Variants in CPEB2 observed in about 807,000 individuals in gnomAD.
CPEB2 encodes the protein cytoplasmic polyadenylation element binding protein 2, also known as cytoplasmic polyadenylation element-binding protein 2.
Under a neutral mutation model 93.6 loss-of-function variants are expected in CPEB2, and 56 were observed. That is an observed-to-expected ratio of 0.60 (90% confidence interval 0.48 to 0.75). The LOEUF is 0.75. CPEB2 is among the 30% of genes least tolerant of loss of function. CPEB2 has a pLI of 0.00. For synonymous variants in CPEB2, 764 were observed against 586.3 expected, an observed-to-expected ratio of 1.30 and a Z score of -4.38; for missense variants, 1,579 against 1,395.1, an observed-to-expected ratio of 1.13 and a Z score of -2.10.
intron 4 of CPEB2, among the ~76,000 whole-genome samples, chr4:15,030,032 CTG>C (rs1261795129): frequency 1.3e-5 from 2 of 152,008 alleles, no homozygotes; most frequent in Non-Finnish European, 2.9e-5. Context: ...CTGGGAAGCT[CTG>C]TATCTGTCTA....
chr4:15,037,563 T>A (rs781387205), intron 5 of CPEB2, among the ~76,000 whole-genome samples: 8 of 152,210 alleles, frequency 5.3e-5, no homozygotes, highest in Non-Finnish European at 8.8e-5. Context: ...CTGTTTTTGT[T>A]TTTTGTAGCT....
At chr4:15,050,815 T>C (rs1284486532) in intron 6 of CPEB2, among the ~76,000 whole-genome samples, 4 of 152,202 alleles carry the variant, frequency 2.6e-5, no homozygotes, top group Non-Finnish European at 5.9e-5. Flanking sequence ...GTCCTCATCA[T>C]TTCTCGCTGG....
At chr4:15,007,089 A>G (rs1722915451) in intron 1 of CPEB2, among the ~76,000 whole-genome samples, 1 of 152,214 alleles carries the variant, frequency 6.6e-6, no homozygotes, top group African/African-American at 2.4e-5. Flanking sequence ...AAATATCATG[A>G]TATTTATAGT....
intron 6 of CPEB2, among the ~76,000 whole-genome samples, chr4:15,050,042 A>C (rs1468212792): frequency 6.6e-6 from 1 of 152,166 alleles, no homozygotes; most frequent in Non-Finnish European, 1.5e-5. Context: ...ACCCAACATA[A>C]AACGGTCCGG....
chr4:15,024,231 G>A (rs1186545021), intron 4 of CPEB2, among the ~76,000 whole-genome samples: 1 of 151,108 alleles, frequency 6.6e-6, no homozygotes, highest in Non-Finnish European at 1.5e-5. Context: ...TTTTTTCTGT[G>A]GAATCCATGT....
chr4:15,008,117 A>C (rs1723056625), intron 2 of CPEB2, among the ~76,000 whole-genome samples: 1 of 152,108 alleles, frequency 6.6e-6, no homozygotes, highest in Admixed American at 6.6e-5. Context: ...TACGTTGATT[A>C]GACTTTTTTT....
intron 6 of CPEB2, among the ~76,000 whole-genome samples, chr4:15,045,818 G>GA (rs1258775511): frequency 4.6e-5 from 7 of 151,638 alleles, no homozygotes; most frequent in Non-Finnish European, 1.5e-5. Flanking sequence ...TCTTTTAAAA[G>GA]AAAAAAATAA....
intron 4 of CPEB2, among the ~76,000 whole-genome samples, chr4:15,024,991 C>G (rs192148267): frequency 5.3e-5 from 8 of 151,934 alleles, no homozygotes; most frequent in African/African-American, 1.9e-4. Context: ...GTGATCTGCC[C>G]GCTTCAGCCT....
In CPEB2 at chr4:15,067,747, G is replaced by A. The variant is rs1036125427; in HGVS notation, c.*1367G>A. ...CCTTTATAAGACAATGGTGAAATCT[G>A]GCTTGAACTTGCTTATGTGTTTAAC... is the stretch of plus-strand genomic sequence containing the variant. On this transcript the variant is annotated 3_prime_UTR_variant, in exon 12 of 12. Coordinates refer to ENST00000538197, the MANE Select transcript of CPEB2 (RefSeq NM_001177382.2). The A allele has an allele frequency of 2.0e-5, 3 of 152,390 alleles. No individual in the cohort carries two copies. The highest frequency in any genetic ancestry group is 2.9e-5 in the Non-Finnish European group (2 of 67,932). The allele number at this position is 152,390 out of a possible 1,614,324, so 9.4% of individuals were successfully genotyped here.
In CPEB2 at chr4:15,069,967, A is replaced by C. The variant is rs1729971132; in HGVS notation, c.*3587A>C. On this transcript the variant is annotated 3_prime_UTR_variant, in exon 12 of 12. Transcript: ENST00000538197. ...ACACTAGGTAAACACCTTCAGCTTA[A>C]ATTTTTCGTTAAATATTTTAGTTTA... 6.6e-6 allele frequency: 1 copy of C among 152,146 alleles called. No individual in the cohort carries two copies. Among genetic ancestry groups the C allele is most frequent in the African/African-American group, 2.4e-5 (1 of 41,402 alleles). 9.4% of individuals were successfully genotyped at this position (152,146 alleles called of 1,614,324 possible).
chr4:15,029,273 A>G (rs1275397167), intron 4 of CPEB2, among the ~76,000 whole-genome samples: 1 of 152,012 alleles, frequency 6.6e-6, no homozygotes, highest in Non-Finnish European at 1.5e-5. Context: ...TATTTTCAAT[A>G]TAATTTCTTG....
intron 10 of CPEB2, 88 bp downstream of exon 10, chr4:15,059,389 A>G (rs554326130): frequency 1.1e-5 from 9 of 842,496 alleles, no homozygotes; most frequent in Admixed American, 1.0e-4. Context: ...TATTGTGTAC[A>G]TGACACTATT....
At chr4:15,017,432 G>T in intron 4 of CPEB2, 154 bp downstream of exon 4, 1 of 461,702 alleles carries the variant, frequency 2.2e-6, no homozygotes. Flanking sequence ...TTTATGAAAT[G>T]CCATATTTTT....
chr4:15,012,662 A>T (rs1376981449), intron 3 of CPEB2, among the ~76,000 whole-genome samples: 1 of 152,144 alleles, frequency 6.6e-6, no homozygotes, highest in Non-Finnish European at 1.5e-5. Context: ...TATGATCAAT[A>T]TCTACTTAAA....
intron 5 of CPEB2, among the ~76,000 whole-genome samples, chr4:15,038,503 C>A (rs1449889586): frequency 6.6e-6 from 1 of 152,098 alleles, no homozygotes; most frequent in African/African-American, 2.4e-5. Flanking sequence ...AAGCAGGAAG[C>A]CCTTCACATC....
chr4:15,054,745 C>T (rs936121395), intron 8 of CPEB2, among the ~76,000 whole-genome samples: 2 of 151,976 alleles, frequency 1.3e-5, no homozygotes, highest in Admixed American at 1.3e-4. Context: ...ACATGCAAGT[C>T]GCATGATCAA....
rs1382208338 is a variant in CPEB2, at chr4:15,003,727, G to T, written c.1054G>T (p.Gly352Cys). The T allele has an allele frequency of 1.5e-6, 2 of 1,297,974 alleles. No homozygotes were observed. The highest frequency in any genetic ancestry group is 1.5e-5 in the African/African-American group (1 of 65,178). 80.4% of individuals were successfully genotyped at this position (1,297,974 alleles called of 1,614,324 possible). A position where few individuals can be genotyped will look rare whatever the true frequency, so the allele number is the denominator to read the frequency against. ...LQSPDLPHPG[G>C]GGGGGGGGPP... Reference sequence around the variant, plus strand: ...GAGCCCGGACCTTCCACACCCGGGCGGCGGCGGCGGCGGCGGGGGCGGGGG... The same window carrying T: ...GAGCCCGGACCTTCCACACCCGGGCTGCGGCGGCGGCGGCGGGGGCGGGGG... Residue 352 changes from glycine to cysteine, a missense_variant, in exon 1 of 12, where the codon GGC (glycine) becomes TGC (cysteine). Physicochemically the swap from Gly to Cys is radical, Grantham distance 159 (BLOSUM62 -3). Coordinates refer to ENST00000538197, the MANE Select transcript of CPEB2 (RefSeq NM_001177382.2).
rs1248697948 is a variant in CPEB2 at position 15,062,042 on chromosome 4, C to T, written c.2696-37C>T. 5.9e-6 allele frequency: 9 copies of T among 1,524,838 alleles called. No homozygotes were observed. In the Admixed American group the frequency reaches 1.5e-4, roughly 25 times the overall value. The allele number at this position is 1,524,838 out of a possible 1,614,324, so 94.5% of individuals were successfully genotyped here. The stretch of plus-strand genomic sequence containing the variant: ...CTTAAAAATTGTTGATTACTGTGTT[C>T]TCTCACATTTGATGTAAACTTCTTT... On this transcript the variant is annotated intron_variant, in intron 10 of 11. Transcript: ENST00000538197.
chr4:15,053,997 G>A lies in CPEB2; in HGVS notation c.2372-131G>A. 3.5e-6 allele frequency: 2 copies of A among 566,338 alleles called. 1 individual carries two copies. The highest frequency in any genetic ancestry group is 5.1e-5 in the South Asian group (2 of 38,988). 35.1% of individuals were successfully genotyped at this position (566,338 alleles called of 1,614,324 possible). On this transcript the variant is annotated intron_variant, in intron 7 of 11. Coordinates refer to ENST00000538197, the MANE Select transcript of CPEB2 (RefSeq NM_001177382.2). Reference sequence around the variant, plus strand: ...AATAAGTATATTAGACATATTCCCAGTGTTTATATTCTAATTTATCTTAAG... The same window carrying A: ...AATAAGTATATTAGACATATTCCCAATGTTTATATTCTAATTTATCTTAAG...
Sources: gnomAD v4.1 joint callset for allele counts (sites outside exome capture counted in the v4.1 genomes callset) on GRCh38, gnomAD v4.1.1 for gene constraint, MANE v1.5 for transcripts, NCBI Gene and HGNC (gene_info 2026-07-23, HGNC 2026-07-21) for gene names.